Variants in INPP4B observed in about 807,000 individuals in gnomAD.
INPP4B encodes the protein inositol polyphosphate 4-phosphatase type II.
A neutral mutation model predicts 122.5 loss-of-function variants in INPP4B; 55 were observed. That is an observed-to-expected ratio of 0.45 (90% CI 0.36 to 0.56). INPP4B has a LOEUF of 0.56. Ranked by LOEUF, INPP4B falls within the 20% of genes least tolerant of loss-of-function variation. The pLI is 0.00. For synonymous variants in INPP4B, 403 were observed against 388.7 expected, an observed-to-expected ratio of 1.04 and a Z score of -0.43; for missense variants, 1,000 against 1,097.7, an observed-to-expected ratio of 0.91 and a Z score of 1.26.
chr4:142,048,089 G>C (rs569775885), intron 25 of INPP4B, among the ~76,000 whole-genome samples: 1 of 152,214 alleles, frequency 6.6e-6, no homozygotes, highest in African/African-American at 2.4e-5. Context: ...ACTCCTGTGA[G>C]GTAGGTACAA....
chr4:142,343,424 T>C (rs1046118119), intron 7 of INPP4B, among the ~76,000 whole-genome samples: 4 of 152,024 alleles, frequency 2.6e-5, no homozygotes, highest in African/African-American at 7.2e-5. Context: ...ATTTATCTAA[T>C]GGATCATAAG....
At chr4:142,490,664 T>C (rs1395573332) in intron 2 of INPP4B, among the ~76,000 whole-genome samples, 3 of 152,168 alleles carry the variant, frequency 2.0e-5, no homozygotes, top group Non-Finnish European at 4.4e-5. Context: ...TCCTGCTGTC[T>C]AAATGAAATT....
At chr4:142,044,163 G>A (rs191365924) in intron 25 of INPP4B, among the ~76,000 whole-genome samples, 8 of 151,742 alleles carry the variant, frequency 5.3e-5, no homozygotes, top group South Asian at 2.1e-4. Flanking sequence ...GATGTATGAC[G>A]TTAGTTAGAT....
At chr4:142,781,005 A>C (rs1006350009) in intron 1 of INPP4B, among the ~76,000 whole-genome samples, 18 of 152,228 alleles carry the variant, frequency 1.2e-4, no homozygotes, top group Non-Finnish European at 2.9e-5. Context: ...AATCAATCTC[A>C]TAATACTCAC....
At chr4:142,333,027 AC>A (rs377336567) in intron 7 of INPP4B, among the ~76,000 whole-genome samples, 2,521 of 143,452 alleles carry the variant, frequency 0.018, 216 homozygotes, top group African/African-American at 0.047. Flanking sequence ...AAAAAAAAAA[AC>A]AAAAAAAAAA....
chr4:142,812,950 A>C (rs1438176991), intron 1 of INPP4B, among the ~76,000 whole-genome samples: 2 of 152,186 alleles, frequency 1.3e-5, no homozygotes, highest in African/African-American at 4.8e-5. Context: ...CTTTGCTATG[A>C]TCAACATTGA....
At chr4:142,203,091 T>G (rs537733154) in intron 14 of INPP4B, among the ~76,000 whole-genome samples, 2 of 152,126 alleles carry the variant, frequency 1.3e-5, no homozygotes, top group Non-Finnish European at 2.9e-5. Context: ...TTGGGTGAAG[T>G]GATCACCCCA....
At chr4:142,821,217 G>A (rs762758472) in intron 1 of INPP4B, among the ~76,000 whole-genome samples, 1 of 152,110 alleles carries the variant, frequency 6.6e-6, no homozygotes, top group East Asian at 1.9e-4. Context: ...CTTCACTGAA[G>A]ATATACTATT....
At chr4:142,444,803 A>G (rs1375219049) in intron 3 of INPP4B, among the ~76,000 whole-genome samples, 1 of 152,204 alleles carries the variant, frequency 6.6e-6, no homozygotes, top group African/African-American at 2.4e-5. Context: ...TGTGGCACAT[A>G]AACACCATGG....
intron 1 of INPP4B, among the ~76,000 whole-genome samples, chr4:142,769,235 T>C (rs1166409499): frequency 6.6e-6 from 1 of 152,132 alleles, no homozygotes; most frequent in Non-Finnish European, 1.5e-5. Flanking sequence ...TCATTTTGAA[T>C]CTGTTGGCTT....
intron 23 of INPP4B, among the ~76,000 whole-genome samples, chr4:142,089,546 T>C (rs905221322): frequency 6.6e-5 from 10 of 151,880 alleles, no homozygotes; most frequent in African/African-American, 2.4e-4. Flanking sequence ...TTGACTATGG[T>C]AATTATTTAA....
At chr4:142,730,016 G>A (rs762865013) in intron 1 of INPP4B, among the ~76,000 whole-genome samples, 12 of 152,096 alleles carry the variant, frequency 7.9e-5, no homozygotes, top group Non-Finnish European at 1.2e-4. Flanking sequence ...AAACTCTCTA[G>A]AGAGTCTCCT....
intron 8 of INPP4B, among the ~76,000 whole-genome samples, chr4:142,307,817 T>C (rs1181209470): frequency 6.6e-6 from 1 of 152,178 alleles, no homozygotes; most frequent in Non-Finnish European, 1.5e-5. Flanking sequence ...AATTGCAAAT[T>C]ATTTTCTATT....
At chr4:142,184,115 T>C (rs1480388358) in intron 15 of INPP4B, among the ~76,000 whole-genome samples, 1 of 152,230 alleles carries the variant, frequency 6.6e-6, no homozygotes. Flanking sequence ...ATATTCAATT[T>C]TTTAAAATTC....
At chr4:142,149,062 G>A (rs1402127514) in intron 17 of INPP4B, among the ~76,000 whole-genome samples, 1 of 152,204 alleles carries the variant, frequency 6.6e-6, no homozygotes, top group Non-Finnish European at 1.5e-5. Flanking sequence ...AGCCTTGCTG[G>A]TCATGGCCTC....
At chr4:142,432,094 T>TC (rs1809448341) in intron 3 of INPP4B, among the ~76,000 whole-genome samples, 1 of 152,146 alleles carries the variant, frequency 6.6e-6, no homozygotes, top group Admixed American at 6.6e-5. Flanking sequence ...TAATACCCTG[T>TC]CATACAGACA....
chr4:142,169,006 T>C lies in INPP4B; in HGVS notation c.1359+4626A>G, dbSNP rs1323774338. Among the ~76,000 whole-genome samples the C allele has an allele frequency of 2.0e-5, 3 of 151,834 alleles. No homozygotes were observed. The South Asian group carries it at 6.2e-4, about 31-fold the overall frequency. ...TCCAGTGCTTAAAAACCATTATGTC[T>C]ACATTTTGTCCACTTTCTTGTTGTT... On this transcript the variant is annotated intron_variant, in intron 16 of 25. Transcript: ENST00000262992.
At chr4:142,686,132 T>C (rs771326823) in intron 2 of INPP4B, among the ~76,000 whole-genome samples, 30 of 152,056 alleles carry the variant, frequency 2.0e-4, no homozygotes, top group Admixed American at 7.2e-4. Context: ...ACTCCCTATA[T>C]GACCCATAAG....
chr4:142,287,016 T>G (rs761588275), intron 9 of INPP4B: 1 of 152,200 alleles, frequency 6.6e-6, no homozygotes, highest in Non-Finnish European at 1.5e-5. Context: ...TGTCTTTAAT[T>G]TCTTTCTTAG....
Sources: allele counts gnomAD v4.1 joint callset (sites outside exome capture counted in the v4.1 genomes callset), GRCh38; gene constraint gnomAD v4.1.1; transcripts MANE v1.5; gene names NCBI Gene and HGNC (gene_info 2026-07-23, HGNC 2026-07-21).